Variants in TMEM132D observed in about 807,000 individuals in gnomAD.
TMEM132D encodes the protein mature OL transmembrane protein.
A neutral mutation model predicts 62.3 loss-of-function variants in TMEM132D; 21 were observed. That is an observed-to-expected ratio of 0.34 (90% CI 0.24 to 0.49). The LOEUF is 0.49. Among genes scored for constraint, TMEM132D ranks in the 20% least tolerant of loss-of-function variants. The pLI is 0.99. For synonymous variants in TMEM132D, 621 were observed against 575.6 expected (o/e 1.08, Z -1.13); for missense variants, 1,346 against 1,402.8 (o/e 0.96, Z 0.65).
At chr12:129,805,363 A>T (rs1333849822) in intron 1 of TMEM132D, among the ~76,000 whole-genome samples, 2 of 152,100 alleles carry the variant, frequency 1.3e-5, no homozygotes, top group Admixed American at 1.3e-4. Flanking sequence ...AATGGAACAG[A>T]ACAGAGCCCT....
Position 129,342,256 on chromosome 12 carries a change from C to T in TMEM132D, c.1116-4439G>A, listed in dbSNP as rs1045747508. 5.9e-5 allele frequency among the ~76,000 whole-genome samples: 9 copies of T among 152,258 alleles called. No individual in the cohort carries two copies. In the East Asian group the frequency reaches 1.7e-3, roughly 29 times the overall value. On this transcript the variant is annotated intron_variant, in intron 3 of 8. Transcript: ENST00000422113. ...TAGACCAATGGAACAGAACAGAGCC[C>T]TCAGAAATAATGCCGCATATCTACA...
chr12:129,515,412 T>C (rs1875644122), intron 3 of TMEM132D, among the ~76,000 whole-genome samples: 1 of 152,206 alleles, frequency 6.6e-6, no homozygotes, highest in South Asian at 2.1e-4. Flanking sequence ...ACCAATGTGA[T>C]TGAAAGTTGA....
intron 1 of TMEM132D, among the ~76,000 whole-genome samples, chr12:129,743,390 G>T (rs777805333): frequency 2.4e-4 from 37 of 152,282 alleles, no homozygotes; most frequent in Non-Finnish European, 5.0e-4. Flanking sequence ...GTTCACAGGA[G>T]ATCTGATGGT....
intron 5 of TMEM132D, among the ~76,000 whole-genome samples, chr12:129,192,984 C>A (rs1234585701): frequency 2.0e-5 from 3 of 152,038 alleles, no homozygotes; most frequent in Non-Finnish European, 2.9e-5. Flanking sequence ...CAGTGAAACC[C>A]CATTTCTACT....
At chr12:129,502,101 A>G (rs1252821016) in intron 3 of TMEM132D, among the ~76,000 whole-genome samples, 1 of 151,218 alleles carries the variant, frequency 6.6e-6, no homozygotes, top group African/African-American at 2.4e-5. Flanking sequence ...CCGGGTTCAC[A>G]CCATTCTCCT....
intron 3 of TMEM132D, among the ~76,000 whole-genome samples, chr12:129,449,849 C>T (rs1166315202): frequency 1.3e-5 from 2 of 152,214 alleles, no homozygotes; most frequent in Non-Finnish European, 2.9e-5. Flanking sequence ...TGCTGGATGA[C>T]ATATGGATAT....
chr12:129,264,830 T>C (rs1263788598), intron 4 of TMEM132D, among the ~76,000 whole-genome samples: 1 of 152,128 alleles, frequency 6.6e-6, no homozygotes, highest in East Asian at 1.9e-4. Context: ...AAACCAAACA[T>C]TGTATGTTCT....
intron 2 of TMEM132D, among the ~76,000 whole-genome samples, chr12:129,672,490 T>TAA (rs1364554604): frequency 6.6e-6 from 1 of 152,144 alleles, no homozygotes; most frequent in East Asian, 1.9e-4. Context: ...CAACAGTTAG[T>TAA]GTTCCGTACC....
intron 5 of TMEM132D, among the ~76,000 whole-genome samples, chr12:129,194,089 T>C (rs1047561959): frequency 1.3e-5 from 2 of 152,222 alleles, no homozygotes; most frequent in Non-Finnish European, 1.5e-5. Context: ...CCAGTACCTG[T>C]TAAAGGAACC....
chr12:129,502,156 C>G (rs759505698), intron 3 of TMEM132D, among the ~76,000 whole-genome samples: 1 of 152,114 alleles, frequency 6.6e-6, no homozygotes, highest in Admixed American at 6.5e-5. Flanking sequence ...TCCGTCACCA[C>G]GCCCGGCTAA....
intron 1 of TMEM132D, among the ~76,000 whole-genome samples, chr12:129,787,341 A>G (rs1197756840): frequency 6.6e-6 from 1 of 152,162 alleles, no homozygotes; most frequent in African/African-American, 2.4e-5. Flanking sequence ...GGAACTTGCC[A>G]TGTCACCGAG....
chr12:129,391,727 A>T (rs1871294661), intron 3 of TMEM132D, among the ~76,000 whole-genome samples: 1 of 152,158 alleles, frequency 6.6e-6, no homozygotes, highest in Non-Finnish European at 1.5e-5. Context: ...TGATTAAATT[A>T]TTCTGGGGGT....
At chr12:129,496,505 G>A (rs1467399024) in intron 3 of TMEM132D, among the ~76,000 whole-genome samples, 1 of 152,098 alleles carries the variant, frequency 6.6e-6, no homozygotes, top group Non-Finnish European at 1.5e-5. Flanking sequence ...ATTCAACGTG[G>A]GAAGTGACTC....
rs919097132 is a variant in TMEM132D at position 129,100,026 on chromosome 12, T to C, written c.1444-15324A>G. On this transcript the variant is annotated intron_variant, in intron 5 of 8. Coordinates refer to ENST00000422113, the MANE Select transcript of TMEM132D (RefSeq NM_133448.3). ...ATTTTTAGTAGAGACGGGGCCACTT[T>C]ATTTTTTATTTAATTTTATTATCTT... Among the ~76,000 whole-genome samples, 4 of 151,044 alleles carry C rather than the reference T, an allele frequency of 2.6e-5. 1 individual carries two copies. The highest frequency in any genetic ancestry group is 9.8e-5 in the African/African-American group (4 of 40,852).
intron 2 of TMEM132D, among the ~76,000 whole-genome samples, chr12:129,535,788 G>A (rs1204847109): frequency 2.0e-5 from 3 of 151,446 alleles, no homozygotes; most frequent in Non-Finnish European, 4.4e-5. Flanking sequence ...GTGTGTGTGT[G>A]TGTGTGTGTG....
intron 2 of TMEM132D, among the ~76,000 whole-genome samples, chr12:129,540,067 A>AT (rs33998374): frequency 2.0e-5 from 3 of 151,350 alleles, no homozygotes; most frequent in South Asian, 2.1e-4. Context: ...GTGGGCTTTT[A>AT]TTTTTTTTTT....
chr12:129,463,880 G>T (rs992992737), intron 3 of TMEM132D, among the ~76,000 whole-genome samples: 1 of 150,936 alleles, frequency 6.6e-6, no homozygotes, highest in Non-Finnish European at 1.5e-5. Context: ...ATCATTGTTG[G>T]ACATTTGGCT....
intron 2 of TMEM132D, among the ~76,000 whole-genome samples, chr12:129,674,041 T>C (rs569977618): frequency 1.4e-4 from 21 of 152,292 alleles, no homozygotes; most frequent in African/African-American, 5.1e-4. Flanking sequence ...CTGAAATCAG[T>C]GCCTCCCAGC....
At chr12:129,165,760 G>A (rs1297490033) in intron 5 of TMEM132D, among the ~76,000 whole-genome samples, 1 of 151,806 alleles carries the variant, frequency 6.6e-6, no homozygotes, top group Non-Finnish European at 1.5e-5. Context: ...ATGATATGAA[G>A]TGTGTCATCC....
Sources: allele counts gnomAD v4.1 joint callset (sites outside exome capture counted in the v4.1 genomes callset), GRCh38; gene constraint gnomAD v4.1.1; transcripts MANE v1.5; gene names NCBI Gene and HGNC (gene_info 2026-07-23, HGNC 2026-07-21).